TEX9: variants seen among roughly 807,000 people sequenced by gnomAD.
TEX9 encodes testis-expressed protein 9.
In TEX9, 74 loss-of-function variants were observed where a neutral mutation model predicts 59.6. The observed-to-expected ratio is 1.24, with a 90% confidence interval of 1.03 to 1.51. TEX9 has a LOEUF of 1.51. Ranked by LOEUF, TEX9 falls within the 40% of genes most tolerant of loss-of-function variation. The pLI, the probability that TEX9 is intolerant of heterozygous loss-of-function variation, is 0.00. For missense variants in TEX9, 522 were observed against 447.8 expected (o/e 1.17, Z -1.49); for synonymous variants, 186 against 152.2 (o/e 1.22, Z -1.64).
At chr15:56,380,737 C>A (rs1332393445) in intron 3 of TEX9, among the ~76,000 whole-genome samples, 1 of 152,142 alleles carries the variant, frequency 6.6e-6, no homozygotes, top group Non-Finnish European at 1.5e-5. Flanking sequence ...TTAAGTATGT[C>A]ATGCCACTCT....
chr15:56,304,031 G>A (rs1596075751), intron 1 of TEX9, among the ~76,000 whole-genome samples: 1 of 152,104 alleles, frequency 6.6e-6, no homozygotes, highest in African/African-American at 2.4e-5. Flanking sequence ...GAAAAGCATG[G>A]GATTTTATGG....
In TEX9 at chr15:56,249,742, C is replaced by CAAAA. The variant is rs11440856; in HGVS notation, c.-107+5487_-107+5490dup. The stretch of plus-strand genomic sequence containing the variant: ...TGGGCGACACAGTGAGGATCTGTCT[C>CAAAA]AAAAAAAAAAAAAAAAAAAAAAAAA... On this transcript the variant is annotated intron_variant, in intron 1 of 5. Coordinates refer to the TEX9 transcript ENST00000560827. Among the ~76,000 whole-genome samples the CAAAA allele has an allele frequency of 5.7e-3, 144 of 25,460 alleles. 17 individuals carry two copies. The highest frequency in any genetic ancestry group is 0.036 in the East Asian group (30 of 830). The allele number at this position is 25,460 out of a possible 152,430, so 16.7% of individuals were successfully genotyped here.
intron 1 of TEX9, among the ~76,000 whole-genome samples, chr15:56,311,125 CT>C (rs1313775992): frequency 0.11 from 6,470 of 56,590 alleles, 215 homozygotes; most frequent in Admixed American, 0.2. Context: ...CTCCTTATTT[CT>C]TTTTTTTTTT....
At chr15:56,358,085 AT>A (rs1395697309) in intron 1 of TEX9, among the ~76,000 whole-genome samples, 2 of 152,180 alleles carry the variant, frequency 1.3e-5, no homozygotes, top group African/African-American at 4.8e-5. Context: ...ACCAGTCTAA[AT>A]GACTTTTAGC....
intron 1 of TEX9, among the ~76,000 whole-genome samples, chr15:56,286,279 T>TA (rs2044951342): frequency 6.6e-6 from 1 of 152,034 alleles, no homozygotes; most frequent in African/African-American, 2.4e-5. Context: ...TTCCTAGGCA[T>TA]AAATGGCATG....
intron 1 of TEX9, among the ~76,000 whole-genome samples, chr15:56,254,564 A>T (rs1373202103): frequency 2.0e-5 from 3 of 151,466 alleles, no homozygotes; most frequent in African/African-American, 7.3e-5. Context: ...CTTCACCTAT[A>T]ATCACAAGTT....
In TEX9 at chr15:56,338,823, C is replaced by T. The variant is rs184231056; in HGVS notation, c.-106-34618C>T. Among the ~76,000 whole-genome samples, 6 of 152,098 alleles carry T rather than the reference C, an allele frequency of 3.9e-5. No individual in the cohort carries two copies. The East Asian group carries it at 1.2e-3, about 30-fold the overall frequency. On this transcript the variant is annotated intron_variant, in intron 1 of 5. Coordinates refer to the TEX9 transcript ENST00000560827. Reference sequence around the variant, plus strand: ...ATCCCAGCTACTTGGGAAGTTGAGGCAGGAGAATCACTTGAACCTGGGAGG... The same window carrying T: ...ATCCCAGCTACTTGGGAAGTTGAGGTAGGAGAATCACTTGAACCTGGGAGG...
chr15:56,399,659 A>C (rs1414838896), intron 9 of TEX9, among the ~76,000 whole-genome samples: 1 of 152,144 alleles, frequency 6.6e-6, no homozygotes, highest in African/African-American at 2.4e-5. Context: ...CTGCCTCCTC[A>C]AGTGGGTCCC....
intron 9 of TEX9, chr15:56,408,656 CCT>C (rs1490250204): frequency 6.6e-6 from 1 of 152,192 alleles, no homozygotes; most frequent in Non-Finnish European, 1.5e-5. Context: ...CTTCCTTCTC[CCT>C]GTCTTAGTAA....
intron 12 of TEX9, among the ~76,000 whole-genome samples, chr15:56,433,341 T>C (rs1386117493): frequency 6.6e-6 from 1 of 151,952 alleles, no homozygotes; most frequent in Non-Finnish European, 1.5e-5. Context: ...GACGGGTTGA[T>C]AGGTGCAGCA....
chr15:56,394,052 A>G (rs1042999769), intron 7 of TEX9, 113 bp from the exon 8 acceptor site: 4 of 922,520 alleles, frequency 4.3e-6, no homozygotes, highest in African/African-American at 1.7e-5. Context: ...GATATCTCCT[A>G]TTTGACTCCC....
rs141029902 is a variant in TEX9, at chr15:56,262,332, G to A, written c.-107+18054G>A. Among the ~76,000 whole-genome samples, 36 of 152,196 alleles carry A rather than the reference G, an allele frequency of 2.4e-4. No individual in the cohort carries two copies. The East Asian group carries it at 5.8e-3, about 24-fold the overall frequency. On this transcript the variant is annotated intron_variant, in intron 1 of 5. Coordinates refer to the TEX9 transcript ENST00000560827. Reference sequence around the variant, plus strand: ...TACACCACATAAATTTTGATGAGTCGCATTTTCATTTTCATTATCTTGAGT... The same window carrying A: ...TACACCACATAAATTTTGATGAGTCACATTTTCATTTTCATTATCTTGAGT...
At chr15:56,403,663 C>G (rs2048918186) in intron 9 of TEX9, among the ~76,000 whole-genome samples, 1 of 152,198 alleles carries the variant, frequency 6.6e-6, no homozygotes, top group Non-Finnish European at 1.5e-5. Context: ...AAAAAGAGCC[C>G]TCATTGCCAA....
In TEX9 at chr15:56,380,056, C is replaced by A. The variant is rs183162768; in HGVS notation, c.184-3896C>A. On this transcript the variant is annotated intron_variant, in intron 3 of 12. Coordinates refer to ENST00000352903, the Ensembl canonical transcript of TEX9. Reference sequence around the variant, plus strand: ...TGTTAATACTGATAAGGGCCTTAATCCTGTCATTTCATTATTTGTTTTCTG... The same window carrying A: ...TGTTAATACTGATAAGGGCCTTAATACTGTCATTTCATTATTTGTTTTCTG... Among the ~76,000 whole-genome samples, 16 of 152,090 alleles carry A rather than the reference C, an allele frequency of 1.1e-4. No individual in the cohort carries two copies. The East Asian group carries it at 2.9e-3, about 27-fold the overall frequency.
chr15:56,403,619 T>G (rs1456392051), intron 9 of TEX9, among the ~76,000 whole-genome samples: 1 of 152,226 alleles, frequency 6.6e-6, no homozygotes, highest in Non-Finnish European at 1.5e-5. Context: ...TTCACAGAAT[T>G]GGAAAAAACT....
At chr15:56,296,670 C>G (rs979300128) in intron 1 of TEX9, among the ~76,000 whole-genome samples, 2 of 152,010 alleles carry the variant, frequency 1.3e-5, no homozygotes, top group Non-Finnish European at 2.9e-5. Flanking sequence ...TTGAGTAATT[C>G]AAAAGTAATT....
chr15:56,330,330 C>T (rs755447358), intron 1 of TEX9, among the ~76,000 whole-genome samples: 2 of 152,120 alleles, frequency 1.3e-5, no homozygotes, highest in Non-Finnish European at 2.9e-5. Flanking sequence ...AAGAAGAAAT[C>T]ATCTGAAGGT....
At chr15:56,452,414 T>G in the TEX9 span, among the ~76,000 whole-genome samples, 1 of 152,258 alleles carries the variant, frequency 6.6e-6, no homozygotes, top group South Asian at 2.1e-4. Flanking sequence ...GGGTTCTTAT[T>G]GGGGGTGGTA....
chr15:56,357,404 G>A (rs1166917672), intron 1 of TEX9, among the ~76,000 whole-genome samples: 2 of 152,060 alleles, frequency 1.3e-5, no homozygotes, highest in African/African-American at 2.4e-5. Flanking sequence ...CATTATGACA[G>A]CTCCAGGAAT....
Sources: allele counts gnomAD v4.1 joint callset (sites outside exome capture counted in the v4.1 genomes callset), GRCh38; gene constraint gnomAD v4.1.1; transcripts MANE v1.5; gene names NCBI Gene and HGNC (gene_info 2026-07-23, HGNC 2026-07-21).